GLRA2: variants seen among roughly 807,000 people sequenced by gnomAD.
GLRA2 encodes glycine receptor subunit alpha-2.
A neutral mutation model predicts 31.6 loss-of-function variants in GLRA2; 11 were observed. The ratio of observed to expected loss-of-function variants is 0.35; its 90% confidence interval spans 0.22 to 0.58. The LOEUF (loss-of-function observed/expected upper bound fraction) is 0.58, where lower values mean the gene tolerates loss of function less well. Among genes scored for constraint, GLRA2 ranks in the 20% least tolerant of loss-of-function variants. GLRA2 has a pLI of 0.84. For synonymous variants in GLRA2, 132 were observed against 134.0 expected (o/e 0.99, Z 0.10); for missense variants, 212 against 351.8 (o/e 0.60, Z 3.18).
the GLRA2 span, among the ~76,000 whole-genome samples, chrX:14,486,309 A>C: frequency 8.9e-6 from 1 of 111,791 alleles, no homozygotes; most frequent in Non-Finnish European, 1.9e-5. Context: ...AAAATATAGG[A>C]GAATAGCTCT....
the GLRA2 span, among the ~76,000 whole-genome samples, chrX:14,459,997 T>A: frequency 8.9e-6 from 1 of 112,105 alleles, no homozygotes; most frequent in African/African-American, 3.2e-5. Context: ...AGTATGATAT[T>A]GGCTGTGGGT....
the GLRA2 span, among the ~76,000 whole-genome samples, chrX:14,461,946 A>G: frequency 9.8e-5 from 11 of 112,005 alleles, no homozygotes; most frequent in Non-Finnish European, 1.9e-4. Flanking sequence ...CATAGCGTTG[A>G]TGGTCTTTAC....
At chrX:14,516,693 C>T in the GLRA2 span, among the ~76,000 whole-genome samples, 47 of 111,690 alleles carry the variant, frequency 4.2e-4, 1 homozygote, top group African/African-American at 1.5e-3. Context: ...AGCCTTGTAG[C>T]AGCATCTTCC....
At chrX:14,544,960 C>T (rs899167261) in intron 2 of GLRA2, among the ~76,000 whole-genome samples, 1 of 111,262 alleles carries the variant, frequency 9.0e-6, no homozygotes, top group Non-Finnish European at 1.9e-5. Context: ...GTGATGCCAC[C>T]TCAGACTTAA....
chrX:14,705,644 T>C (rs1367714620), intron 8 of GLRA2, among the ~76,000 whole-genome samples: 3 of 112,239 alleles, frequency 2.7e-5, no homozygotes, highest in African/African-American at 3.2e-5. Flanking sequence ...TATAACCCAG[T>C]TGACAAAATA....
chrX:14,498,719 A>G, the GLRA2 span, among the ~76,000 whole-genome samples: 3 of 111,181 alleles, frequency 2.7e-5, no homozygotes, highest in African/African-American at 9.8e-5. Context: ...TTATTACAAC[A>G]AACTGTATCT....
At chrX:14,655,852 G>A (rs1471304320) in intron 7 of GLRA2, among the ~76,000 whole-genome samples, 1 of 111,530 alleles carries the variant, frequency 9.0e-6, no homozygotes, top group South Asian at 3.7e-4. Flanking sequence ...TTAAGTATGG[G>A]GTCTTTGCCA....
the GLRA2 span, among the ~76,000 whole-genome samples, chrX:14,523,257 G>A: frequency 9.0e-6 from 1 of 111,569 alleles, no homozygotes; most frequent in African/African-American, 3.3e-5. Flanking sequence ...CTTTTCTTCT[G>A]CAGCTTCCTC....
chrX:14,476,507 G>C, the GLRA2 span, among the ~76,000 whole-genome samples: 1 of 111,614 alleles, frequency 9.0e-6, no homozygotes, highest in Non-Finnish European at 1.9e-5. Context: ...TAGCGGTGCT[G>C]TTTGTTCTGT....
At chrX:14,531,625 A>G (rs1469659286) in intron 1 of GLRA2, among the ~76,000 whole-genome samples, 1 of 111,395 alleles carries the variant, frequency 9.0e-6, no homozygotes, top group Non-Finnish European at 1.9e-5. Context: ...CTGATAAAAT[A>G]ATAGAAGTCA....
At chrX:14,487,387 TAAA>T in the GLRA2 span, among the ~76,000 whole-genome samples, 1,452 of 27,831 alleles carry the variant, frequency 0.052, 63 homozygotes, top group African/African-American at 0.17. Flanking sequence ...TGGTTTTCTG[TAAA>T]AAAAAAAAAA....
the GLRA2 span, among the ~76,000 whole-genome samples, chrX:14,489,002 G>A: frequency 9.0e-6 from 1 of 111,704 alleles, no homozygotes; most frequent in Non-Finnish European, 1.9e-5. Context: ...AATTATAAGT[G>A]CTGTACAAAA....
chrX:14,570,901 G>A (rs1244062599), intron 2 of GLRA2, among the ~76,000 whole-genome samples: 1 of 110,985 alleles, frequency 9.0e-6, no homozygotes, highest in Non-Finnish European at 1.9e-5. Context: ...CAGATGAGGT[G>A]GAATTATTTT....
At chrX:14,533,699 A>G (rs1214146154) in intron 2 of GLRA2, among the ~76,000 whole-genome samples, 1 of 111,326 alleles carries the variant, frequency 9.0e-6, no homozygotes, top group African/African-American at 3.2e-5. Flanking sequence ...AGTCTGGACT[A>G]TCTGCAAAAT....
chrX:14,698,681 CAAAAAAAAA>C (rs749925474), intron 8 of GLRA2, among the ~76,000 whole-genome samples: 3 of 21,140 alleles, frequency 1.4e-4, no homozygotes, highest in African/African-American at 3.7e-4. Context: ...CTATCTATCT[CAAAAAAAAA>C]AAAAAAAAAA....
chrX:14,731,621 C>CTTTT lies in GLRA2; in HGVS notation c.*1138_*1141dup, dbSNP rs1166424769. ...TACTGTGATTTTCATAACCCGTTGC[C>CTTTT]TTTTTGGTACCAGAGCTACGTGGTT... On this transcript the variant is annotated 3_prime_UTR_variant, in exon 9 of 9. Coordinates refer to ENST00000218075, the MANE Select transcript of GLRA2 (RefSeq NM_002063.4). 9.0e-6 allele frequency: 1 copy of CTTTT among 111,270 alleles called. No homozygotes were observed. Among genetic ancestry groups the CTTTT allele is most frequent in the African/African-American group, 3.3e-5 (1 of 30,488 alleles). The allele number at this position is 111,270 out of a possible 1,213,427, so 9.2% of individuals were successfully genotyped here.
At chrX:14,502,837 C>A in the GLRA2 span, among the ~76,000 whole-genome samples, 31 of 102,415 alleles carry the variant, frequency 3.0e-4, no homozygotes, top group Non-Finnish European at 4.9e-4. Context: ...TCCAGCACTA[C>A]GCTACATTTT....
chrX:14,513,916 C>T, the GLRA2 span, among the ~76,000 whole-genome samples: 2 of 111,695 alleles, frequency 1.8e-5, no homozygotes, highest in East Asian at 2.8e-4. Context: ...CCTTACTGGG[C>T]ATCTACCCAG....
chrX:14,607,286 T>C lies in GLRA2; in HGVS notation c.715+18T>C. The C allele has an allele frequency of 8.7e-7, 1 of 1,152,453 alleles. No individual in the cohort carries two copies. Among genetic ancestry groups the C allele is most frequent in the Non-Finnish European group, 1.2e-6 (1 of 861,184 alleles). The allele number at this position is 1,152,453 out of a possible 1,213,427, so 95.0% of individuals were successfully genotyped here. A position where few individuals can be genotyped will look rare whatever the true frequency, so the allele number is the denominator to read the frequency against. ...CAACACTGGTAAGTTTCTTTTTTTTTTTTTTTCAGCTGTTAAACACAAGTG... is the reference window on the plus strand; with the variant it reads ...CAACACTGGTAAGTTTCTTTTTTTTCTTTTTTCAGCTGTTAAACACAAGTG... On this transcript the variant is annotated intron_variant, in intron 6 of 8. Coordinates refer to ENST00000218075, the MANE Select transcript of GLRA2 (RefSeq NM_002063.4).
Sources: gnomAD v4.1 joint callset for allele counts (sites outside exome capture counted in the v4.1 genomes callset) on GRCh38, gnomAD v4.1.1 for gene constraint, MANE v1.5 for transcripts, NCBI Gene and HGNC (gene_info 2026-07-23, HGNC 2026-07-21) for gene names.